Variants in AGBL4 observed in about 807,000 individuals in gnomAD.
AGBL4 encodes cytosolic carboxypeptidase 6.
A neutral mutation model predicts 66.4 loss-of-function variants in AGBL4; 58 were observed. The ratio of observed to expected loss-of-function variants is 0.87; its 90% CI spans 0.71 to 1.09. AGBL4 has a LOEUF of 1.09. AGBL4 is among the 50% of genes least tolerant of loss of function. The pLI is 0.00. For synonymous variants in AGBL4, 234 were observed against 222.9 expected (o/e 1.05, Z -0.44); for missense variants, 579 against 631.0 (o/e 0.92, Z 0.88).
chr1:49,331,676 G>T (rs1645337313), intron 3 of AGBL4, among the ~76,000 whole-genome samples: 1 of 152,102 alleles, frequency 6.6e-6, no homozygotes, highest in Non-Finnish European at 1.5e-5. Flanking sequence ...AGAGCCCGGC[G>T]GGAGAGGCAG....
At chr1:49,259,156 G>A (rs2148355606) in intron 3 of AGBL4, among the ~76,000 whole-genome samples, 1 of 152,144 alleles carries the variant, frequency 6.6e-6, no homozygotes, top group South Asian at 2.1e-4. Context: ...CCTGAAGGAA[G>A]CACTAAACAA....
At chr1:49,316,180 G>A (rs1434915598) in intron 3 of AGBL4, among the ~76,000 whole-genome samples, 1 of 151,894 alleles carries the variant, frequency 6.6e-6, no homozygotes, top group Non-Finnish European at 1.5e-5. Flanking sequence ...GAATGAAACT[G>A]TAATGATAGA....
intron 3 of AGBL4, among the ~76,000 whole-genome samples, chr1:49,505,012 A>C (rs750756343): frequency 2.6e-5 from 4 of 151,878 alleles, no homozygotes; most frequent in South Asian, 2.1e-4. Context: ...TTGTGTACCT[A>C]CTATAGGTTT....
At chr1:49,908,152 A>T (rs1333428804) in intron 1 of AGBL4, among the ~76,000 whole-genome samples, 1 of 152,130 alleles carries the variant, frequency 6.6e-6, no homozygotes, top group Non-Finnish European at 1.5e-5. Flanking sequence ...AAGCTGGAGG[A>T]TTCCTTGAGC....
At chr1:49,681,591 GTCT>G (rs1430778156) in intron 3 of AGBL4, among the ~76,000 whole-genome samples, 3 of 152,052 alleles carry the variant, frequency 2.0e-5, no homozygotes, top group African/African-American at 7.2e-5. Context: ...ACCTTTCATA[GTCT>G]TCTTATGTTT....
chr1:48,785,816 C>A (rs534708128), intron 6 of AGBL4, among the ~76,000 whole-genome samples: 1 of 152,318 alleles, frequency 6.6e-6, no homozygotes, highest in African/African-American at 2.4e-5. Context: ...GACTCTCTAA[C>A]CCCCTACTTA....
chr1:48,806,018 G>A (rs55924285), intron 6 of AGBL4, among the ~76,000 whole-genome samples: 2,933 of 152,148 alleles, frequency 0.019, 102 homozygotes, highest in African/African-American at 0.067. Context: ...TCTCCTGGTT[G>A]GGATGAGTAT....
intron 2 of AGBL4, among the ~76,000 whole-genome samples, chr1:49,726,832 C>T (rs914660592): frequency 2.0e-5 from 3 of 152,158 alleles, no homozygotes; most frequent in African/African-American, 4.8e-5. Context: ...AAGCTTACTA[C>T]ACATGGAGGA....
chr1:49,860,145 G>A (rs902609121), intron 1 of AGBL4, among the ~76,000 whole-genome samples: 7 of 152,136 alleles, frequency 4.6e-5, no homozygotes, highest in African/African-American at 1.7e-4. Flanking sequence ...TCCATATATC[G>A]ATCTAGAGAT....
intron 1 of AGBL4, among the ~76,000 whole-genome samples, chr1:49,883,970 A>G (rs1647724913): frequency 1.3e-5 from 2 of 152,040 alleles, no homozygotes; most frequent in South Asian, 2.1e-4. Context: ...ACATAAAACC[A>G]TTAAAAATAA....
intron 8 of AGBL4, among the ~76,000 whole-genome samples, chr1:48,652,928 C>A (rs549192826): frequency 1.3e-5 from 2 of 152,116 alleles, no homozygotes; most frequent in Non-Finnish European, 2.9e-5. Context: ...AACTACCCCA[C>A]GATATTCTGC....
chr1:49,006,180 G>A (rs1267622531), intron 5 of AGBL4, among the ~76,000 whole-genome samples: 2 of 152,036 alleles, frequency 1.3e-5, no homozygotes, highest in Admixed American at 6.6e-5. Context: ...CACCGTGCGC[G>A]AGCCAAAGCA....
At chr1:48,588,795 G>T (rs1010409778) in intron 10 of AGBL4, among the ~76,000 whole-genome samples, 2 of 147,114 alleles carry the variant, frequency 1.4e-5, no homozygotes, top group African/African-American at 5.1e-5. Context: ...GGGCATTGAG[G>T]ATCAGAGAAG....
intron 2 of AGBL4, among the ~76,000 whole-genome samples, chr1:49,796,111 C>T (rs1480563076): frequency 6.6e-6 from 1 of 151,518 alleles, no homozygotes; most frequent in Non-Finnish European, 1.5e-5. Context: ...AAAAACTGGG[C>T]AAAAGATATG....
At chr1:49,373,039 G>A (rs372532524) in intron 3 of AGBL4, among the ~76,000 whole-genome samples, 24 of 152,182 alleles carry the variant, frequency 1.6e-4, no homozygotes, top group East Asian at 1.4e-3. Context: ...GATTATAGGC[G>A]TGAGCCACTG....
intron 2 of AGBL4, among the ~76,000 whole-genome samples, chr1:49,761,116 C>T (rs1652275493): frequency 6.7e-6 from 1 of 149,454 alleles, no homozygotes; most frequent in Non-Finnish European, 1.5e-5. Context: ...CCTGCATGTT[C>T]TGCACATGCA....
chr1:49,644,046 A>C (rs1645836303), intron 3 of AGBL4, among the ~76,000 whole-genome samples: 1 of 151,714 alleles, frequency 6.6e-6, no homozygotes, highest in South Asian at 2.1e-4. Flanking sequence ...TGACAAAAAT[A>C]GCACAAAGGA....
intron 3 of AGBL4, among the ~76,000 whole-genome samples, chr1:49,257,087 A>C (rs1652575205): frequency 6.6e-6 from 1 of 152,080 alleles, no homozygotes; most frequent in Non-Finnish European, 1.5e-5. Context: ...GAAGGAAAAG[A>C]TAGACATATT....
intron 3 of AGBL4, among the ~76,000 whole-genome samples, chr1:49,326,673 A>G (rs1170002968): frequency 2.0e-5 from 3 of 152,224 alleles, no homozygotes; most frequent in African/African-American, 7.2e-5. Context: ...AGAGTCATGA[A>G]GAAGGAAATC....
Sources: allele counts gnomAD v4.1 joint callset (sites outside exome capture counted in the v4.1 genomes callset), GRCh38; gene constraint gnomAD v4.1.1; transcripts MANE v1.5; gene names NCBI Gene and HGNC (gene_info 2026-07-23, HGNC 2026-07-21).